TEX11: variants seen among roughly 807,000 people sequenced by gnomAD.
TEX11 encodes the protein testis expressed 11.
In TEX11, 7 loss-of-function variants were observed where a neutral mutation model predicts 84.4. The ratio of observed to expected loss-of-function variants is 0.08; its 90% CI spans 0.05 to 0.16. The LOEUF (loss-of-function observed/expected upper bound fraction) is 0.16. Among genes scored for constraint, TEX11 ranks in the 10% least tolerant of loss-of-function variants. The probability of loss-of-function intolerance (pLI) is 1.00; values close to 1 mark genes in which losing one functional copy is unlikely to be tolerated. For synonymous variants in TEX11, 264 were observed against 222.8 expected, an observed-to-expected ratio of 1.18 and a Z score of -1.64; for missense variants, 551 against 660.5, an observed-to-expected ratio of 0.83 and a Z score of 1.82.
chrX:70,866,673 A>G (rs1412908489), intron 4 of TEX11, among the ~76,000 whole-genome samples: 1 of 111,852 alleles, frequency 8.9e-6, no homozygotes, highest in Non-Finnish European at 1.9e-5. Flanking sequence ...CGAATCCAGC[A>G]GCACATCAAA....
chrX:70,825,852 C>T (rs924669212), intron 8 of TEX11, among the ~76,000 whole-genome samples: 14 of 110,758 alleles, frequency 1.3e-4, no homozygotes, highest in African/African-American at 3.9e-4. Flanking sequence ...TGGCAGGAGC[C>T]TGTAATCCCA....
rs903511353 is a variant in TEX11 at position 70,716,594 on chromosome X, G to A, written c.1004+6024C>T. 2.9e-4 allele frequency among the ~76,000 whole-genome samples: 33 copies of A among 112,719 alleles called. 1 individual carries two copies. Among genetic ancestry groups the A allele is most frequent in the Middle Eastern group, 9.3e-3 (2 of 216 alleles). On this transcript the variant is annotated intron_variant, in intron 13 of 29. Coordinates refer to ENST00000374333, the MANE Select transcript of TEX11 (RefSeq NM_031276.3). ...GGGCGTAGGACCCTCCAAACCATTC[G>A]CGGGATATAATCTCCTGGTGTGCCA...
intron 9 of TEX11, among the ~76,000 whole-genome samples, chrX:70,752,512 G>C (rs1228308377): frequency 2.8e-5 from 2 of 71,580 alleles, no homozygotes; most frequent in Non-Finnish European, 4.8e-5. Context: ...GTGACAGAGC[G>C]ATACTCTGTC....
intron 20 of TEX11, among the ~76,000 whole-genome samples, chrX:70,621,794 C>T (rs2089398635): frequency 1.9e-5 from 2 of 105,734 alleles, no homozygotes; most frequent in South Asian, 8.5e-4. Flanking sequence ...TCTTAGAAGT[C>T]TGGTTTATAT....
the TEX11 span, among the ~76,000 whole-genome samples, chrX:70,520,500 TC>T: frequency 8.9e-6 from 1 of 112,080 alleles, no homozygotes; most frequent in East Asian, 2.8e-4. Context: ...GCCTGATTCT[TC>T]CTCTGGAAGC....
the TEX11 span, among the ~76,000 whole-genome samples, chrX:70,515,065 T>TCA: frequency 0.52 from 45,543 of 87,135 alleles, 9,682 homozygotes; most frequent in East Asian, 0.64. Context: ...TGAAACTCGG[T>TCA]CACACACACA....
intron 20 of TEX11, among the ~76,000 whole-genome samples, chrX:70,615,550 A>G (rs1392289712): frequency 1.8e-5 from 2 of 112,166 alleles, no homozygotes; most frequent in Non-Finnish European, 3.8e-5. Context: ...GACAGTTTTA[A>G]AAGAGCAAAT....
chrX:70,817,623 G>A (rs917529790), intron 8 of TEX11, among the ~76,000 whole-genome samples: 68 of 110,892 alleles, frequency 6.1e-4, no homozygotes, highest in Middle Eastern at 4.7e-3. Flanking sequence ...GGCAGTAGTT[G>A]CAGTGAGCCA....
intron 25 of TEX11, among the ~76,000 whole-genome samples, chrX:70,569,720 G>A (rs928982429): frequency 3.6e-5 from 4 of 111,452 alleles, no homozygotes; most frequent in Non-Finnish European, 5.7e-5. Context: ...GCAGAACAGC[G>A]GATTTTCGTG....
intron 13 of TEX11, among the ~76,000 whole-genome samples, chrX:70,687,761 G>A (rs1198284884): frequency 1.8e-5 from 2 of 110,939 alleles, no homozygotes; most frequent in Non-Finnish European, 3.8e-5. Context: ...TGGGAGGACT[G>A]CTTGAGTCCA....
chrX:70,630,029 T>C (rs2089491717), intron 17 of TEX11, among the ~76,000 whole-genome samples: 1 of 111,692 alleles, frequency 9.0e-6, no homozygotes, highest in Non-Finnish European at 1.9e-5. Flanking sequence ...GAGTAAAATA[T>C]GGGCCAGGCG....
At chrX:70,800,558 G>T (rs186121705) in intron 9 of TEX11, among the ~76,000 whole-genome samples, 21 of 111,065 alleles carry the variant, frequency 1.9e-4, no homozygotes, top group African/African-American at 6.2e-4. Flanking sequence ...ATTAACTTGG[G>T]CAATAACAAA....
At chrX:70,886,155 G>A (rs2091708042) in intron 2 of TEX11, among the ~76,000 whole-genome samples, 1 of 111,735 alleles carries the variant, frequency 8.9e-6, no homozygotes, top group South Asian at 3.7e-4. Context: ...GTTCACTGTA[G>A]CACTATTCAC....
intron 8 of TEX11, among the ~76,000 whole-genome samples, chrX:70,810,036 GA>G (rs2091243129): frequency 8.9e-6 from 1 of 112,078 alleles, no homozygotes; most frequent in African/African-American, 3.2e-5. Flanking sequence ...ACAAACACAT[GA>G]AAAAATGCTC....
At chrX:70,707,602 T>G (rs1448715470) in intron 13 of TEX11, among the ~76,000 whole-genome samples, 1 of 111,438 alleles carries the variant, frequency 9.0e-6, no homozygotes. Flanking sequence ...ACATTTCTCA[T>G]ATTCTGAATT....
chrX:70,733,575 C>A, intron 11 of TEX11, among the ~76,000 whole-genome samples: 1 of 111,732 alleles, frequency 8.9e-6, no homozygotes. Flanking sequence ...CATTGGCCAT[C>A]AGAGAAATGC....
chrX:70,587,420 C>T (rs964765315), intron 25 of TEX11, among the ~76,000 whole-genome samples: 1 of 112,377 alleles, frequency 8.9e-6, no homozygotes, highest in Non-Finnish European at 1.9e-5. Context: ...ACATCCTAGC[C>T]ATGGCTAAAA....
intron 18 of TEX11, among the ~76,000 whole-genome samples, chrX:70,628,202 C>A (rs908283644): frequency 1.5e-4 from 16 of 106,202 alleles, no homozygotes; most frequent in Non-Finnish European, 3.1e-4. Context: ...TGCACTCCAG[C>A]CTGGGTGACA....
At chrX:70,852,172 C>G (rs998687966) in intron 7 of TEX11, among the ~76,000 whole-genome samples, 8 of 111,464 alleles carry the variant, frequency 7.2e-5, no homozygotes, top group African/African-American at 2.6e-4. Context: ...AAAAAGGGGA[C>G]TTTTCTTTTT....
Sources: allele counts gnomAD v4.1 joint callset (sites outside exome capture counted in the v4.1 genomes callset), GRCh38; gene constraint gnomAD v4.1.1; transcripts MANE v1.5; gene names NCBI Gene and HGNC (gene_info 2026-07-23, HGNC 2026-07-21).